SCAPER: variants seen among roughly 807,000 people sequenced by gnomAD.
SCAPER encodes S phase cyclin A-associated protein in the endoplasmic reticulum.
SCAPER carries 98 observed loss-of-function variants against 182.2 expected under a neutral mutation model. That is an observed-to-expected ratio of 0.54 (90% CI 0.46 to 0.64). The LOEUF (loss-of-function observed/expected upper bound fraction) is 0.64. SCAPER is among the 30% of genes least tolerant of loss of function. The pLI is 0.00. For missense variants in SCAPER, 1,432 were observed against 1,690.0 expected, an observed-to-expected ratio of 0.85 and a Z score of 2.68; for synonymous variants, 605 against 564.6, an observed-to-expected ratio of 1.07 and a Z score of -1.01.
chr15:76,615,368 C>G lies in SCAPER; in HGVS notation c.2711+6396G>C, dbSNP rs532689625. On this transcript the variant is annotated intron_variant, in intron 22 of 31. Transcript: ENST00000563290. The stretch of plus-strand genomic sequence containing the variant: ...GGCTGAAGTGGGAGGATCCTTTGAA[C>G]CCGGGAGGCAGAGATTGCAGTGAGC... Among the ~76,000 whole-genome samples, 4 of 151,936 alleles carry G rather than the reference C, an allele frequency of 2.6e-5. No individual in the cohort carries two copies. In the East Asian group the frequency reaches 7.8e-4, roughly 30 times the overall value.
At chr15:76,544,535 T>C (rs1296265178) in intron 23 of SCAPER, among the ~76,000 whole-genome samples, 1 of 152,108 alleles carries the variant, frequency 6.6e-6, no homozygotes, top group Non-Finnish European at 1.5e-5. Flanking sequence ...GCCTTGAAAT[T>C]TATCTAATGT....
intron 22 of SCAPER, among the ~76,000 whole-genome samples, chr15:76,594,427 C>G (rs1466482701): frequency 8.2e-6 from 1 of 121,232 alleles, no homozygotes; most frequent in East Asian, 2.2e-4. Context: ...AGGAGAACTT[C>G]CCCAACCTAG....
intron 1 of SCAPER, among the ~76,000 whole-genome samples, chr15:76,900,868 A>C (rs748998168): frequency 6.6e-6 from 1 of 152,192 alleles, no homozygotes; most frequent in Non-Finnish European, 1.5e-5. Flanking sequence ...TGGTCAATAA[A>C]TTGTAGAAAA....
chr15:76,795,329 G>C lies in SCAPER; in HGVS notation c.723C>G (p.Pro241=). The C allele has an allele frequency of 1.2e-6, 2 of 1,613,260 alleles. No individual in the cohort carries two copies. The highest frequency in any genetic ancestry group is 1.7e-4 in the Middle Eastern group (1 of 6,050). Residue 241 remains proline, a synonymous_variant, in exon 8 of 32, where the codon CCC becomes CCG. Transcript: ENST00000563290. ...CTGTCATTGGTGGGCAAGACTGGGCGGGTGTTATTTCTGAAGAAGCAGTAG... is the reference window on the plus strand; with the variant it reads ...CTGTCATTGGTGGGCAAGACTGGGCCGGTGTTATTTCTGAAGAAGCAGTAG... ...TGSTASSEIT[P]AQSCPPMTVQ...
intron 8 of SCAPER, among the ~76,000 whole-genome samples, chr15:76,777,590 A>G (rs954608949): frequency 6.6e-6 from 1 of 152,214 alleles, no homozygotes; most frequent in African/African-American, 2.4e-5. Flanking sequence ...GCTACTTGGG[A>G]GACTGAGACA....
intron 17 of SCAPER, among the ~76,000 whole-genome samples, chr15:76,713,419 C>T (rs1267706742): frequency 6.6e-6 from 1 of 151,624 alleles, no homozygotes; most frequent in South Asian, 2.1e-4. Context: ...GAAAATGTGG[C>T]ACATATACAC....
At chr15:76,754,924 CTGA>C (rs1186545218) in intron 14 of SCAPER, among the ~76,000 whole-genome samples, 13 of 152,208 alleles carry the variant, frequency 8.5e-5, no homozygotes, top group Middle Eastern at 3.4e-3. Flanking sequence ...TTGTGGTGAT[CTGA>C]TGATATTACT....
chr15:76,607,877 T>G (rs192655819), intron 22 of SCAPER, among the ~76,000 whole-genome samples: 1 of 152,220 alleles, frequency 6.6e-6, no homozygotes, highest in Non-Finnish European at 1.5e-5. Flanking sequence ...TCAGGTCCTC[T>G]AAGGACTTCT....
At chr15:76,647,382 A>G (rs2054633352) in intron 21 of SCAPER, among the ~76,000 whole-genome samples, 3 of 152,010 alleles carry the variant, frequency 2.0e-5, no homozygotes, top group South Asian at 2.1e-4. Flanking sequence ...TAAATATATG[A>G]TTTTTTTTCA....
rs547202679 is a variant in SCAPER at position 76,599,138 on chromosome 15, T to C, written c.2711+22626A>G. Among the ~76,000 whole-genome samples the C allele has an allele frequency of 4.2e-5, 5 of 119,558 alleles. No individual in the cohort carries two copies. The East Asian group carries it at 1.1e-3, about 27-fold the overall frequency. The allele number at this position is 119,558 out of a possible 152,430, so 78.4% of individuals were successfully genotyped here. ...AATAGACACTTGCCATAAGAAGAAA[T>C]AAATGGCTTATACATACATGAGAGG... On this transcript the variant is annotated intron_variant, in intron 22 of 31. Coordinates refer to ENST00000563290, the MANE Select transcript of SCAPER (RefSeq NM_020843.4).
intron 25 of SCAPER, among the ~76,000 whole-genome samples, chr15:76,457,229 A>AT (rs902166336): frequency 2.0e-5 from 3 of 151,682 alleles, no homozygotes; most frequent in Non-Finnish European, 2.9e-5. Flanking sequence ...TGCCCAGCTA[A>AT]TTTTTTTGTA....
rs201801078 is a variant in SCAPER, at chr15:76,605,162, C to T, written c.2711+16602G>A. Among the ~76,000 whole-genome samples, 90 of 152,168 alleles carry T rather than the reference C, an allele frequency of 5.9e-4. 1 individual carries two copies. In the East Asian group the frequency reaches 7.1e-3, roughly 12 times the overall value. ...CCGTATGATATTGGCTGTGGGTTTG[C>T]CATAGATAGCTCTTATTATTTTGAG... On this transcript the variant is annotated intron_variant, in intron 22 of 31. Transcript: ENST00000563290.
intron 24 of SCAPER, among the ~76,000 whole-genome samples, chr15:76,503,739 T>C (rs10162680): frequency 0.011 from 1,644 of 152,290 alleles, 38 homozygotes; most frequent in African/African-American, 0.037. Context: ...GCTAGTAGCC[T>C]GGCAGAGGTA....
intron 27 of SCAPER, among the ~76,000 whole-genome samples, chr15:76,385,766 G>C (rs1397235610): frequency 3.3e-5 from 5 of 152,142 alleles, no homozygotes; most frequent in Non-Finnish European, 7.4e-5. Flanking sequence ...CTGTGCTCTG[G>C]GAACTCTGAG....
At chr15:76,606,358 T>C (rs2050396597) in intron 22 of SCAPER, among the ~76,000 whole-genome samples, 1 of 152,256 alleles carries the variant, frequency 6.6e-6, no homozygotes, top group African/African-American at 2.4e-5. Flanking sequence ...CCCTGAGTTC[T>C]AGTTTGACTG....
chr15:76,559,268 C>T (rs2046423713), intron 23 of SCAPER, among the ~76,000 whole-genome samples: 3 of 145,078 alleles, frequency 2.1e-5, no homozygotes. Context: ...GTTGGCCAGG[C>T]TGGTCTCAAA....
intron 25 of SCAPER, among the ~76,000 whole-genome samples, chr15:76,454,208 C>A (rs1021742501): frequency 2.6e-5 from 4 of 152,090 alleles, no homozygotes; most frequent in Non-Finnish European, 5.9e-5. Flanking sequence ...TACTACTTAT[C>A]CTTCAGGTCT....
chr15:76,532,235 T>C (rs2043737596), intron 23 of SCAPER, among the ~76,000 whole-genome samples: 1 of 152,176 alleles, frequency 6.6e-6, no homozygotes, highest in Non-Finnish European at 1.5e-5. Flanking sequence ...TCTGTGGCAA[T>C]GCTCTCCCTC....
chr15:76,652,365 C>T lies in SCAPER; in HGVS notation c.2645+13288G>A, dbSNP rs1487344338. On this transcript the variant is annotated intron_variant, in intron 21 of 31. Transcript: ENST00000563290. ...ATATACACACACACACACACACACACACACACATATATATATATATATATA... is the reference window on the plus strand; with the variant it reads ...ATATACACACACACACACACACACATACACACATATATATATATATATATA... Among the ~76,000 whole-genome samples, 82 of 27,558 alleles carry T rather than the reference C, an allele frequency of 3.0e-3. 1 individual carries two copies. The highest frequency in any genetic ancestry group is 0.014 in the African/African-American group (71 of 5,070). 18.1% of individuals were successfully genotyped at this position (27,558 alleles called of 152,430 possible). A position where few individuals can be genotyped will look rare whatever the true frequency, so the allele number is the denominator to read the frequency against.
Sources: gnomAD v4.1 joint callset for allele counts (sites outside exome capture counted in the v4.1 genomes callset) on GRCh38, gnomAD v4.1.1 for gene constraint, MANE v1.5 for transcripts, NCBI Gene and HGNC (gene_info 2026-07-23, HGNC 2026-07-21) for gene names.